The following DNAH10 variants were observed in gnomAD, a reference collection of about 807,000 sequenced individuals.
The protein encoded by DNAH10 is axonemal beta dynein heavy chain 10.
In DNAH10, 348 loss-of-function variants were observed where a neutral mutation model predicts 506.6. That is an observed-to-expected ratio of 0.69 (90% CI 0.63 to 0.75). The LOEUF (loss-of-function observed/expected upper bound fraction) is 0.75. DNAH10 is among the 30% of genes least tolerant of loss of function. The probability of loss-of-function intolerance (pLI) is 0.00; values close to 1 mark genes in which losing one functional copy is unlikely to be tolerated. For missense variants in DNAH10, 5,179 were observed against 5,787.1 expected (o/e 0.89, Z 3.41); for synonymous variants, 2,059 against 2,198.6 (o/e 0.94, Z 1.78).
intron 42 of DNAH10, 134 bp downstream of exon 42, chr12:123,867,735 G>A (rs1251408168): frequency 2.0e-5 from 28 of 1,408,558 alleles, no homozygotes; most frequent in Middle Eastern, 1.8e-4. Flanking sequence ...GGCGGGCGCC[G>A]TGCTTGCTTT....
intron 1 of DNAH10, among the ~76,000 whole-genome samples, chr12:123,764,493 T>TA (rs965754661): frequency 8.6e-5 from 13 of 151,384 alleles, no homozygotes; most frequent in Admixed American, 1.3e-4. Context: ...TCGTTTACAT[T>TA]AAAAAAAAAT....
At chr12:123,885,859 A>G (rs1176733607) in intron 51 of DNAH10, among the ~76,000 whole-genome samples, 1 of 152,064 alleles carries the variant, frequency 6.6e-6, no homozygotes, top group East Asian at 1.9e-4. Flanking sequence ...CCTTTTATAC[A>G]TTTTTTGGAC....
chr12:123,800,348 T>TTAGCAA lies in DNAH10; in HGVS notation c.2423_2428dup (p.Ala809_Arg810insIleAla). On this transcript the variant is annotated inframe_insertion, in exon 15 of 79. Coordinates refer to ENST00000673944, the MANE Select transcript of DNAH10 (RefSeq NM_001372106.1). ...GCAGCTGGGGTTCACTGTCCCTGAATTAGCAAGAAATGTTGCTCTCCAGGA... is the reference window on the plus strand; with the variant it reads ...GCAGCTGGGGTTCACTGTCCCTGAATTAGCAATAGCAAGAAATGTTGCTCTCCAGGA... 1 of 1,614,080 alleles carries TTAGCAA rather than the reference T, an allele frequency of 6.2e-7. No individual in the cohort carries two copies. Among genetic ancestry groups the TTAGCAA allele is most frequent in the Admixed American group, 1.7e-5 (1 of 60,022 alleles).
intron 34 of DNAH10, among the ~76,000 whole-genome samples, chr12:123,849,866 G>A (rs1471131339): frequency 2.0e-5 from 3 of 152,222 alleles, no homozygotes; most frequent in African/African-American, 7.2e-5. Flanking sequence ...CAGGATTCCA[G>A]TAAAGGGTCT....
chr12:123,827,684 T>G (rs1026758710), intron 25 of DNAH10, among the ~76,000 whole-genome samples: 5 of 152,228 alleles, frequency 3.3e-5, no homozygotes, highest in Non-Finnish European at 7.4e-5. Context: ...TCAAGTGACT[T>G]CATTTTCCCT....
intron 56 of DNAH10, among the ~76,000 whole-genome samples, chr12:123,899,810 T>G (rs976835848): frequency 2.6e-5 from 4 of 152,230 alleles, no homozygotes; most frequent in African/African-American, 7.2e-5. Flanking sequence ...ATCTTCCATG[T>G]CTGTGAGCTA....
At chr12:123,934,018 C>T (rs1371514581) in intron 77 of DNAH10, 2 of 504,708 alleles carry the variant, frequency 4.0e-6, no homozygotes, top group East Asian at 6.1e-5. Flanking sequence ...CTTTTAACTG[C>T]AAGGAACAAA....
chr12:123,782,988 C>T (rs1594009182), intron 6 of DNAH10, 119 bp from the exon 7 acceptor site: 14 of 777,338 alleles, frequency 1.8e-5, no homozygotes, highest in Middle Eastern at 2.8e-4. Flanking sequence ...ACAGGGGATG[C>T]GTCAGACCTT....
At chr12:123,763,563 C>CTT (rs35395990) in intron 1 of DNAH10, among the ~76,000 whole-genome samples, 8,108 of 129,466 alleles carry the variant, frequency 0.063, 653 homozygotes, top group African/African-American at 0.18. Flanking sequence ...TATTTTTTAA[C>CTT]TTTTTTTTTT....
intron 59 of DNAH10, 94 bp downstream of exon 59, chr12:123,910,766 C>T (rs555554656): frequency 6.8e-6 from 10 of 1,478,970 alleles, no homozygotes; most frequent in Admixed American, 2.4e-5. Flanking sequence ...AAACTTCTCC[C>T]GAGGTTCTGA....
Position 123,879,875 on chromosome 12 carries a change from G to T in DNAH10, c.8634+74G>T, listed in dbSNP as rs192830225. 31 of 1,537,802 alleles carry T rather than the reference G, an allele frequency of 2.0e-5. No individual in the cohort carries two copies. The Admixed American group carries it at 5.6e-4, about 28-fold the overall frequency. ...GGGCCAAGCGGGAGCTGAGCATCGC[G>T]CGGGTGCCCGGGAGCCTATCACCTG... is the stretch of plus-strand genomic sequence containing the variant. On this transcript the variant is annotated intron_variant, in intron 50 of 78. Transcript: ENST00000673944.
chr12:123,873,464 G>A (rs2136991929), intron 45 of DNAH10, 94 bp from the exon 46 acceptor site: 1 of 1,470,990 alleles, frequency 6.8e-7, no homozygotes, highest in East Asian at 2.3e-5. Flanking sequence ...GAGGCCAATG[G>A]ATTTGCAAAA....
Position 123,909,155 on chromosome 12 carries a change from T to C in DNAH10, c.9816-106T>C. On this transcript the variant is annotated intron_variant, in intron 57 of 78. Coordinates refer to ENST00000673944, the MANE Select transcript of DNAH10 (RefSeq NM_001372106.1). The surrounding 1 kb of genome is among the most constrained non-coding windows in gnomAD (Gnocchi z 5.4). ...TCTTTCGTTTGCTTGCAGCAGTAGC[T>C]CCAGGGACTGTCTTTTGGTTGAGCT... The C allele has an allele frequency of 1.4e-6, 2 of 1,442,072 alleles. No homozygotes were observed. Among genetic ancestry groups the C allele is most frequent in the Non-Finnish European group, 1.9e-6 (2 of 1,057,752 alleles). 89.3% of individuals were successfully genotyped at this position (1,442,072 alleles called of 1,614,324 possible).
At chr12:123,881,911 A>G (rs1159702237) in intron 51 of DNAH10, 98 bp downstream of exon 51, 2 of 1,185,168 alleles carry the variant, frequency 1.7e-6, no homozygotes, top group East Asian at 3.1e-5. Flanking sequence ...AGATCATAGC[A>G]TGATGTTTTC....
At chr12:123,814,023 A>C in intron 21 of DNAH10, 111 bp downstream of exon 21, 2 of 1,003,266 alleles carry the variant, frequency 2.0e-6, no homozygotes, top group Non-Finnish European at 2.8e-6. Context: ...CAAATAAGTG[A>C]CTTTAAGTAA....
chr12:123,818,699 C>G (rs917720564), intron 21 of DNAH10, among the ~76,000 whole-genome samples: 1 of 152,116 alleles, frequency 6.6e-6, no homozygotes, highest in African/African-American at 2.4e-5. Flanking sequence ...CCAGGCTGGT[C>G]TCAAACTCCT....
intron 24 of DNAH10, among the ~76,000 whole-genome samples, chr12:123,825,664 G>A (rs1959906131): frequency 6.6e-6 from 1 of 152,192 alleles, no homozygotes; most frequent in Non-Finnish European, 1.5e-5. Flanking sequence ...AGAGATGGGA[G>A]GGGTTATGAC....
chr12:123,825,502 G>A (rs922201390), intron 24 of DNAH10, among the ~76,000 whole-genome samples: 5 of 152,204 alleles, frequency 3.3e-5, no homozygotes, highest in African/African-American at 9.7e-5. Flanking sequence ...CAACATGGGC[G>A]ACTCTCAGAA....
At position 123,787,698 on chromosome 12, in the gene DNAH10, G is replaced by T. The variant is rs1288991383; in HGVS notation, c.1422-106G>T. 3 of 1,368,894 alleles carry T rather than the reference G, an allele frequency of 2.2e-6. No individual in the cohort carries two copies. Among genetic ancestry groups the T allele is most frequent in the African/African-American group, 2.9e-5 (2 of 68,598 alleles). 84.8% of individuals were successfully genotyped at this position (1,368,894 alleles called of 1,614,324 possible). On this transcript the variant is annotated intron_variant, in intron 9 of 78. Transcript: ENST00000673944. The surrounding 1 kb of genome is among the most constrained non-coding windows in gnomAD (Gnocchi z 4.6). ...CCGATGAGGCCGTGAAACCAGGGGG[G>T]GCGCCCGGGTCAGAGCTTCACGGGA...
Sources: allele counts gnomAD v4.1 joint callset (sites outside exome capture counted in the v4.1 genomes callset), GRCh38; gene constraint gnomAD v4.1.1; non-coding constraint Gnocchi (gnomAD v3.1); transcripts MANE v1.5; gene names NCBI Gene and HGNC (gene_info 2026-07-23, HGNC 2026-07-21).